PRIM2: variants seen among roughly 807,000 people sequenced by gnomAD.
The protein encoded by PRIM2 is DNA primase subunit 2.
Under a neutral mutation model 67.3 loss-of-function variants are expected in PRIM2, and 39 were observed. The observed-to-expected ratio is 0.58, with a 90% confidence interval of 0.45 to 0.76. PRIM2 has a LOEUF of 0.76. Ranked by LOEUF, PRIM2 falls within the 30% of genes least tolerant of loss-of-function variation. PRIM2 has a pLI of 0.00. For missense variants in PRIM2, 398 were observed against 598.7 expected (o/e 0.66, Z 3.50); for synonymous variants, 143 against 198.7 (o/e 0.72, Z 2.36).
chr6:57,340,372 C>G (rs1006962982), intron 5 of PRIM2, among the ~76,000 whole-genome samples: 14 of 152,034 alleles, frequency 9.2e-5, no homozygotes, highest in Admixed American at 9.2e-4. Flanking sequence ...ACCCAAAGGA[C>G]TATAAATCAT....
chr6:57,543,347 T>C (rs2127472446), intron 10 of PRIM2, among the ~76,000 whole-genome samples: 1 of 152,304 alleles, frequency 6.6e-6, no homozygotes, highest in Non-Finnish European at 1.5e-5. Flanking sequence ...ACAGCTTCTG[T>C]TTGGACAGCT....
At chr6:57,594,387 A>G (rs1776330906) in intron 10 of PRIM2, among the ~76,000 whole-genome samples, 1 of 152,154 alleles carries the variant, frequency 6.6e-6, no homozygotes, top group Non-Finnish European at 1.5e-5. Flanking sequence ...ACAAAGTAGG[A>G]CTCACTTACC....
chr6:57,391,617 G>A (rs1581856872), intron 7 of PRIM2, among the ~76,000 whole-genome samples: 1 of 152,248 alleles, frequency 6.6e-6, no homozygotes, highest in East Asian at 1.9e-4. Flanking sequence ...TATTGAATAG[G>A]GGTTCTTTTC....
chr6:57,302,054 A>AG, the PRIM2 span, among the ~76,000 whole-genome samples: 1 of 152,188 alleles, frequency 6.6e-6, no homozygotes, highest in African/African-American at 2.4e-5. Flanking sequence ...TCTCACTCTT[A>AG]GGGGTCACAA....
At chr6:57,459,584 A>T (rs1323813605) in intron 7 of PRIM2, among the ~76,000 whole-genome samples, 23 of 152,276 alleles carry the variant, frequency 1.5e-4, no homozygotes, top group Non-Finnish European at 2.9e-4. Flanking sequence ...GGGAGGGCTG[A>T]AGTCTGTAGG....
chr6:57,597,438 G>T (rs1776386460), intron 10 of PRIM2, among the ~76,000 whole-genome samples: 2 of 151,556 alleles, frequency 1.3e-5, no homozygotes, highest in Middle Eastern at 3.4e-3. Context: ...GAAGTCTTTT[G>T]CAGTAGCATA....
upstream of PRIM2, among the ~76,000 whole-genome samples, chr6:57,313,114 C>T (rs1767418898): frequency 6.6e-6 from 1 of 152,152 alleles, no homozygotes; most frequent in Non-Finnish European, 1.5e-5. Context: ...TTCCATCTGC[C>T]TGAAATGCTA....
chr6:57,523,901 C>G (rs1404331938), intron 8 of PRIM2, among the ~76,000 whole-genome samples: 2 of 152,092 alleles, frequency 1.3e-5, no homozygotes, highest in Admixed American at 1.3e-4. Flanking sequence ...GTTGTTTCTA[C>G]AAAGTCCAGG....
At position 57,478,374 on chromosome 6, in the gene PRIM2, C is replaced by T. The variant is rs1581942804; in HGVS notation, c.694-29013C>T. 3.5e-5 allele frequency among the ~76,000 whole-genome samples: 5 copies of T among 144,432 alleles called. No individual in the cohort carries two copies. In the East Asian group the frequency reaches 8.3e-4, roughly 24 times the overall value. The allele number at this position is 144,432 out of a possible 152,430, so 94.8% of individuals were successfully genotyped here. On this transcript the variant is annotated intron_variant, in intron 7 of 13. Transcript: ENST00000615550. ...TTGAGAGAGATTCTTGTTCTCTCAT[C>T]CAGACTGGGGTGCTGGGGCATGGTG...
intron 10 of PRIM2, among the ~76,000 whole-genome samples, chr6:57,541,198 C>T (rs1190993386): frequency 2.0e-5 from 3 of 152,130 alleles, no homozygotes; most frequent in Admixed American, 1.3e-4. Context: ...TGTAAACTTA[C>T]GGTATCGATC....
At chr6:57,616,305 T>A (rs1776756159) in intron 12 of PRIM2, among the ~76,000 whole-genome samples, 1 of 152,228 alleles carries the variant, frequency 6.6e-6, no homozygotes, top group Non-Finnish European at 1.5e-5. Context: ...ATGAGAAAGC[T>A]GAGGTTTGGA....
At chr6:57,303,011 G>T in the PRIM2 span, among the ~76,000 whole-genome samples, 1 of 152,088 alleles carries the variant, frequency 6.6e-6, no homozygotes, top group Non-Finnish European at 1.5e-5. Context: ...AAAATATTTA[G>T]ATTATTAGAA....
chr6:57,391,498 A>AT (rs1770343518), intron 7 of PRIM2, among the ~76,000 whole-genome samples: 1 of 151,770 alleles, frequency 6.6e-6, no homozygotes, highest in Non-Finnish European at 1.5e-5. Context: ...ATTGCTTTGG[A>AT]TTTTACATTT....
At chr6:57,534,846 C>T (rs1461343182) in intron 9 of PRIM2, among the ~76,000 whole-genome samples, 1 of 152,220 alleles carries the variant, frequency 6.6e-6, no homozygotes, top group East Asian at 1.9e-4. Context: ...TAGAATCCAA[C>T]TTACTTTGTC....
intron 7 of PRIM2, among the ~76,000 whole-genome samples, chr6:57,431,589 G>C (rs530410876): frequency 1.4e-4 from 22 of 152,156 alleles, no homozygotes; most frequent in Non-Finnish European, 2.9e-4. Context: ...TGAGGCTACA[G>C]TGAGCAATGA....
the PRIM2 span, among the ~76,000 whole-genome samples, chr6:57,300,192 G>A: frequency 6.6e-6 from 1 of 152,254 alleles, no homozygotes; most frequent in East Asian, 1.9e-4. Context: ...AAGGCCTGCA[G>A]ATGCATTGTC....
the PRIM2 span, among the ~76,000 whole-genome samples, chr6:57,245,836 G>A: frequency 2.6e-5 from 4 of 152,200 alleles, no homozygotes; most frequent in Non-Finnish European, 5.9e-5. Context: ...TTTGGGGCAT[G>A]AGAGTGCACT....
chr6:57,378,135 A>C (rs1769833980), intron 5 of PRIM2, among the ~76,000 whole-genome samples: 1 of 147,832 alleles, frequency 6.8e-6, no homozygotes, highest in South Asian at 2.1e-4. Flanking sequence ...ATCATGGCTT[A>C]CTGCAGCCTC....
the PRIM2 span, among the ~76,000 whole-genome samples, chr6:57,284,328 A>G: frequency 6.6e-6 from 1 of 152,212 alleles, no homozygotes; most frequent in Non-Finnish European, 1.5e-5. Flanking sequence ...AACTTTTGGC[A>G]GATGTGCTTG....
Sources: gnomAD v4.1 joint callset for allele counts (sites outside exome capture counted in the v4.1 genomes callset) on GRCh38, gnomAD v4.1.1 for gene constraint, MANE v1.5 for transcripts, NCBI Gene and HGNC (gene_info 2026-07-23, HGNC 2026-07-21) for gene names.